The following ADPGK variants were observed in gnomAD, a reference collection of about 807,000 sequenced individuals.
ADPGK encodes ADP dependent glucokinase.
A neutral mutation model predicts 42.4 loss-of-function variants in ADPGK; 26 were observed. The observed-to-expected ratio is 0.61, with a 90% CI of 0.45 to 0.85. The LOEUF is 0.85. Ranked by LOEUF, ADPGK falls within the 40% of genes least tolerant of loss-of-function variation. The pLI, the probability that ADPGK is intolerant of heterozygous loss-of-function variation, is 0.00. For synonymous variants in ADPGK, 267 were observed against 252.6 expected, an observed-to-expected ratio of 1.06 and a Z score of -0.54; for missense variants, 571 against 627.0, an observed-to-expected ratio of 0.91 and a Z score of 0.95.
chr15:72,760,552 A>T, intron 3 of ADPGK, 25 bp from the exon 4 acceptor site: 1 of 1,588,156 alleles, frequency 6.3e-7, no homozygotes, highest in South Asian at 1.1e-5. Context: ...CACGAAGTCC[A>T]TCAGGAGCCC....
intron 3 of ADPGK, among the ~76,000 whole-genome samples, chr15:72,766,051 T>C (rs990810255): frequency 6.6e-6 from 1 of 152,330 alleles, no homozygotes; most frequent in South Asian, 2.1e-4. Flanking sequence ...GGCACAATCA[T>C]AGCTCACAGT....
At chr15:72,776,906 T>C (rs1478688591) in intron 1 of ADPGK, among the ~76,000 whole-genome samples, 7 of 152,222 alleles carry the variant, frequency 4.6e-5, no homozygotes, top group Non-Finnish European at 1.5e-5. Context: ...AGATTTACTA[T>C]GCCTTTCAGT....
intron 2 of ADPGK, 86 bp downstream of exon 2, chr15:72,774,786 T>C: frequency 2.3e-6 from 3 of 1,277,752 alleles, no homozygotes; most frequent in Non-Finnish European, 3.3e-6. Flanking sequence ...CAAACTGGAA[T>C]GAAAAGTTGC....
At chr15:72,756,072 A>G in intron 5 of ADPGK, 179 bp downstream of exon 5, 1 of 749,520 alleles carries the variant, frequency 1.3e-6, no homozygotes. Flanking sequence ...GCTGCTGCCC[A>G]CATCTGAAGG....
At position 72,752,382 on chromosome 15, in the gene ADPGK, C is replaced by T. The variant is rs1595784963; in HGVS notation, c.1453G>A (p.Ala485Thr). ...RTVGLGDAIS[A>T]EGLFYSEVHP... ...ACTTCCGAATAGAAGAGTCCTTCGG[C>T]TGAAATGGCATCTCCAAGGCCTACA... Residue 485 changes from alanine to threonine, a missense_variant, in exon 7 of 7, where the codon GCC (alanine) becomes ACC (threonine). Ala to Thr is a moderately conservative substitution (Grantham distance 58, BLOSUM62 0). Coordinates refer to ENST00000456471, the MANE Select transcript of ADPGK (RefSeq NM_001365225.1). 6.2e-7 allele frequency: 1 copy of T among 1,614,202 alleles called. No homozygotes were observed. Among genetic ancestry groups the T allele is most frequent in the Admixed American group, 1.7e-5 (1 of 60,034 alleles).
At chr15:72,760,874 C>T (rs542406189) in intron 3 of ADPGK, among the ~76,000 whole-genome samples, 37 of 152,196 alleles carry the variant, frequency 2.4e-4, no homozygotes, top group African/African-American at 8.7e-4. Context: ...AGCCCAAACC[C>T]CCATGTGGCT....
chr15:72,771,673 C>A, intron 3 of ADPGK, 110 bp downstream of exon 3: 1 of 956,872 alleles, frequency 1.0e-6, no homozygotes, highest in Non-Finnish European at 1.6e-6. Context: ...GGGTCTGGTA[C>A]ATAGTAGGTG....
intron 2 of ADPGK, among the ~76,000 whole-genome samples, chr15:72,772,956 G>C (rs754751559): frequency 4.6e-5 from 7 of 152,140 alleles, no homozygotes; most frequent in Non-Finnish European, 1.0e-4. Flanking sequence ...AGTGTTACCT[G>C]GGTGGAATGC....
chr15:72,763,818 G>A (rs113097822), intron 3 of ADPGK, among the ~76,000 whole-genome samples: 3 of 152,118 alleles, frequency 2.0e-5, no homozygotes, highest in South Asian at 4.1e-4. Context: ...TGCTCACTTC[G>A]TGTCTCTGTC....
At chr15:72,783,247 G>C in intron 1 of ADPGK, 1 of 1,240,316 alleles carries the variant, frequency 8.1e-7, no homozygotes. Flanking sequence ...TGGTCCTACC[G>C]GGATGAGAGA....
chr15:72,755,974 C>T, intron 5 of ADPGK: 1 of 662,940 alleles, frequency 1.5e-6, no homozygotes, highest in Non-Finnish European at 2.8e-6. Flanking sequence ...AGGACACAAA[C>T]TACAAACCCT....
At chr15:72,757,235 T>C (rs1290486587) in intron 4 of ADPGK, 1 of 151,882 alleles carries the variant, frequency 6.6e-6, no homozygotes, top group East Asian at 1.9e-4. Context: ...GAGATGGAGT[T>C]TCACTCTGTT....
Position 72,783,568 on chromosome 15 carries a change from C to T in ADPGK, c.124G>A (p.Gly42Arg). Residue 42 changes from glycine to arginine, a missense_variant, in exon 1 of 7, where the codon GGG becomes AGG. By Grantham distance (125) the Gly-to-Arg change is moderately radical. Coordinates refer to ENST00000456471, the MANE Select transcript of ADPGK (RefSeq NM_001365225.1). ...LRSLWSSLCL[G>R]PAPAPPGPVS... ...GGTCCCGGGGGCGCAGGCGCGGGCC[C>T]CAGACACAGCGAGCTCCAGAGAGAG... 1.3e-6 allele frequency: 2 copies of T among 1,510,738 alleles called. No individual in the cohort carries two copies. The highest frequency in any genetic ancestry group is 2.7e-5 in the East Asian group (1 of 37,468). The allele number at this position is 1,510,738 out of a possible 1,614,324, so 93.6% of individuals were successfully genotyped here. A position where few individuals can be genotyped will look rare whatever the true frequency, so the allele number is the denominator to read the frequency against.
intron 3 of ADPGK, among the ~76,000 whole-genome samples, chr15:72,771,424 T>C (rs1240375388): frequency 1.3e-5 from 2 of 152,194 alleles, no homozygotes; most frequent in Admixed American, 1.3e-4. Flanking sequence ...GGTTATTGGG[T>C]CAGACTGCCT....
chr15:72,756,356 C>T lies in ADPGK; in HGVS notation c.735G>A (p.Val245=). 6.2e-7 allele frequency: 1 copy of T among 1,614,224 alleles called. No homozygotes were observed. The change falls in exon 5 of 7, where the codon GTG becomes GTA. Residue 245 remains valine (V), a synonymous_variant. Transcript: ENST00000456471. ...LSNGAMNMLE[V]FVSSLEEFQP... ...GAAACTCCTCCAGGCTAGACACAAA[C>T]ACCTCCAGCATATTCATGGCCCCGT...
In ADPGK at chr15:72,752,887, A is replaced by T. The variant is rs1330322417; in HGVS notation, c.948T>A (p.Phe316Leu). 1.3e-5 allele frequency: 21 copies of T among 1,610,024 alleles called. No individual in the cohort carries two copies. The highest frequency in any genetic ancestry group is 1.7e-5 in the Non-Finnish European group (20 of 1,177,678). Residue 316 changes from phenylalanine to leucine, a missense_variant, in exon 7 of 7, where the codon TTT (phenylalanine) becomes TTA (leucine). By Grantham distance (22) the Phe-to-Leu change is conservative. This residue lies in a region of ADPGK where 434 missense variants were observed against 522.7 expected (regional missense o/e 0.83). Coordinates refer to ENST00000456471, the MANE Select transcript of ADPGK (RefSeq NM_001365225.1). ...TCAGCCCAAGGGAAGTCACCGCGGG[A>T]AAGACCTGCTAACAAAAACAACAAC... ...LMSSIVHQQV[F>L]PAVTSLGLNE...
At chr15:72,772,229 T>C (rs2066337508) in intron 2 of ADPGK, among the ~76,000 whole-genome samples, 1 of 152,228 alleles carries the variant, frequency 6.6e-6, no homozygotes, top group Non-Finnish European at 1.5e-5. Context: ...GTAGATACTA[T>C]AATGAACTAA....
chr15:72,766,520 C>T (rs1462252108), intron 3 of ADPGK, among the ~76,000 whole-genome samples: 2 of 152,196 alleles, frequency 1.3e-5, no homozygotes, highest in African/African-American at 2.4e-5. Flanking sequence ...TGATTGTTAA[C>T]ATTTTTTGGC....
chr15:72,781,802 A>G (rs1212567515), intron 1 of ADPGK, among the ~76,000 whole-genome samples: 1 of 152,218 alleles, frequency 6.6e-6, no homozygotes, highest in African/African-American at 2.4e-5. Context: ...TGAAACCCTA[A>G]TTCCCAATGT....
Sources: allele counts gnomAD v4.1 joint callset (sites outside exome capture counted in the v4.1 genomes callset), GRCh38; gene constraint gnomAD v4.1.1; regional missense constraint gnomAD v4.1.1; transcripts MANE v1.5; gene names NCBI Gene and HGNC (gene_info 2026-07-23, HGNC 2026-07-21).